FHAD1: variants seen among roughly 807,000 people sequenced by gnomAD.
FHAD1 encodes forkhead-associated domain-containing protein 1.
FHAD1 carries 146 observed loss-of-function variants against 191.3 expected under a neutral mutation model. The ratio of observed to expected loss-of-function variants is 0.76; its 90% CI spans 0.67 to 0.88. The LOEUF (loss-of-function observed/expected upper bound fraction) is 0.88. Among genes scored for constraint, FHAD1 ranks in the 40% least tolerant of loss-of-function variants. The pLI, the probability that FHAD1 is intolerant of heterozygous loss-of-function variation, is 0.00. For synonymous variants in FHAD1, 616 were observed against 672.3 expected (o/e 0.92, Z 1.29); for missense variants, 1,635 against 1,785.8 (o/e 0.92, Z 1.52).
rs1269570005 is a variant in FHAD1 at position 15,362,679 on chromosome 1, T to C, written c.3000T>C (p.Ala1000=). The C allele has an allele frequency of 6.4e-7, 1 of 1,551,784 alleles. No homozygotes were observed. Among genetic ancestry groups the C allele is most frequent in the Non-Finnish European group, 8.7e-7 (1 of 1,146,996 alleles). The change falls in exon 23 of 34, where the codon GCT becomes GCC. Residue 1000 remains alanine (A), a synonymous_variant. Transcript: ENST00000688493. ...AAAGGCCGCAAGACCCTCTGGTGGC[T>C]CCCATGACAGAGAGCAGTGCCAAAG... is the stretch of plus-strand genomic sequence containing the variant. The part of the protein sequence containing the change: ...KEERPQDPLV[A]PMTESSAKDM...
chr1:15,307,264 AC>A (rs1431195659), intron 6 of FHAD1, among the ~76,000 whole-genome samples: 20 of 152,080 alleles, frequency 1.3e-4, no homozygotes, highest in Non-Finnish European at 2.5e-4. Flanking sequence ...CAATACCTGT[AC>A]CCCCATTGTA....
At chr1:15,242,967 A>G (rs1323156763), upstream of FHAD1, among the ~76,000 whole-genome samples, 1 of 152,206 alleles carries the variant, frequency 6.6e-6, no homozygotes, top group Admixed American at 6.5e-5. Flanking sequence ...TGAGGCACAA[A>G]CAAAATACAA....
chr1:15,385,061 T>G (rs1701796850), intron 31 of FHAD1, among the ~76,000 whole-genome samples: 1 of 151,864 alleles, frequency 6.6e-6, no homozygotes, highest in Non-Finnish European at 1.5e-5. Flanking sequence ...AGGCTCAGTT[T>G]GCATTTAAGG....
Position 15,349,589 on chromosome 1 carries a change from G to A in FHAD1, c.2454+440G>A, listed in dbSNP as rs548109251. On this transcript the variant is annotated intron_variant, in intron 19 of 33. Coordinates refer to ENST00000688493, the MANE Select transcript of FHAD1 (RefSeq NM_001391957.1). ...TGGCATGGCCAAGGGAGAAAGCACTGCTCCTGGCCCGGCCTCCTGGTGTCA... is the reference window on the plus strand; with the variant it reads ...TGGCATGGCCAAGGGAGAAAGCACTACTCCTGGCCCGGCCTCCTGGTGTCA... 3.9e-5 allele frequency among the ~76,000 whole-genome samples: 6 copies of A among 152,346 alleles called. No homozygotes were observed. In the South Asian group the frequency reaches 1.0e-3, roughly 26 times the overall value.
At chr1:15,293,006 A>G (rs1460933718) in intron 4 of FHAD1, among the ~76,000 whole-genome samples, 2 of 152,216 alleles carry the variant, frequency 1.3e-5, no homozygotes, top group African/African-American at 2.4e-5. Flanking sequence ...GTATTTTGTT[A>G]TGGCAACCTG....
intron 6 of FHAD1, among the ~76,000 whole-genome samples, chr1:15,306,825 G>A (rs750238980): frequency 2.0e-5 from 3 of 152,210 alleles, no homozygotes; most frequent in Non-Finnish European, 2.9e-5. Flanking sequence ...CTGTGGGGTC[G>A]GGGCCCTCAT....
At chr1:15,376,800 C>G (rs1699775475) in intron 28 of FHAD1, among the ~76,000 whole-genome samples, 1 of 152,178 alleles carries the variant, frequency 6.6e-6, no homozygotes, top group African/African-American at 2.4e-5. Context: ...CTTTGTGAGG[C>G]CAAGAGAAGG....
chr1:15,365,799 T>C, intron 23 of FHAD1, 28 bp from the exon 24 acceptor site: 1 of 1,436,266 alleles, frequency 7.0e-7, no homozygotes. Flanking sequence ...TGAGTTGAAC[T>C]GACTTCACCT....
chr1:15,319,420 A>T (rs1191866347), intron 10 of FHAD1, among the ~76,000 whole-genome samples: 1 of 152,180 alleles, frequency 6.6e-6, no homozygotes, highest in Admixed American at 6.6e-5. Context: ...AACAGTTAAG[A>T]CTATACAAAG....
In FHAD1 at chr1:15,316,468, G is replaced by C. The variant is rs201462752; in HGVS notation, c.1260+1G>C. 2 of 1,551,538 alleles carry C rather than the reference G, an allele frequency of 1.3e-6. No homozygotes were observed. Among genetic ancestry groups the C allele is most frequent in the Admixed American group, 3.9e-5 (2 of 50,992 alleles). On this transcript the variant is annotated splice_donor_variant, in intron 9 of 33. Transcript: ENST00000688493. LOFTEE classifies it high-confidence loss of function. The surrounding 1 kb of genome is among the most constrained non-coding windows in gnomAD (Gnocchi z 4.3). ...GAAAGAGTTAAAACTCTGCAAAACC[G>C]TGAGTTGAGCTTCCTCCTTTGTAGG...
At chr1:15,336,747 C>T (rs1401890270) in intron 14 of FHAD1, among the ~76,000 whole-genome samples, 2 of 152,214 alleles carry the variant, frequency 1.3e-5, no homozygotes, top group Admixed American at 1.3e-4. Context: ...CTTGGCCTTT[C>T]TGCCAAGTAA....
At chr1:15,365,743 C>A in intron 23 of FHAD1, 84 bp from the exon 24 acceptor site, 2 of 769,330 alleles carry the variant, frequency 2.6e-6, no homozygotes, top group Non-Finnish European at 4.4e-6. Flanking sequence ...AATCTCTTTG[C>A]ATTTGTACTT....
intron 6 of FHAD1, among the ~76,000 whole-genome samples, chr1:15,301,979 C>T (rs1245697306): frequency 1.3e-5 from 2 of 152,128 alleles, no homozygotes; most frequent in African/African-American, 4.8e-5. Context: ...GGCGCCACTG[C>T]ACTCCAGCCT....
intron 11 of FHAD1, 164 bp downstream of exon 11, chr1:15,324,723 C>T (rs1299653130): frequency 1.1e-5 from 7 of 625,052 alleles, no homozygotes; most frequent in South Asian, 5.6e-5. Flanking sequence ...TCCCCACCCC[C>T]ATGGACATCG....
chr1:15,374,371 G>A, intron 26 of FHAD1, 131 bp from the exon 27 acceptor site: 1 of 1,050,662 alleles, frequency 9.5e-7, no homozygotes, highest in Non-Finnish European at 1.4e-6. Context: ...CTCTGCTGAA[G>A]CCCTAATGCT....
chr1:15,275,479 C>T (rs565769686), intron 3 of FHAD1, among the ~76,000 whole-genome samples: 1 of 152,236 alleles, frequency 6.6e-6, no homozygotes, highest in African/African-American at 2.4e-5. Context: ...ACCCCCTGTC[C>T]GCCTCCACCC....
chr1:15,370,901 C>G (rs1284749075), intron 26 of FHAD1, among the ~76,000 whole-genome samples: 1 of 152,190 alleles, frequency 6.6e-6, no homozygotes, highest in African/African-American at 2.4e-5. Flanking sequence ...AGCTTGCTTT[C>G]CGGCTCTCTC....
Position 15,318,011 on chromosome 1 carries a change from A to G in FHAD1, c.1365+83A>G, listed in dbSNP as rs1675041146. On this transcript the variant is annotated intron_variant, in intron 10 of 33. Coordinates refer to ENST00000688493, the MANE Select transcript of FHAD1 (RefSeq NM_001391957.1). This position sits in a 1 kb window ranked among gnomAD's most constrained non-coding sequence, Gnocchi z 4.1. The stretch of plus-strand genomic sequence containing the variant: ...TCCCTGTTAGTCCTCTAAGTGGACT[A>G]TGCTGGTATTAACCCTTCTTACAGC... 1.2e-6 allele frequency: 1 copy of G among 867,908 alleles called. No homozygotes were observed. Among genetic ancestry groups the G allele is most frequent in the Non-Finnish European group, 1.8e-6 (1 of 542,808 alleles). The allele number at this position is 867,908 out of a possible 1,614,324, so 53.8% of individuals were successfully genotyped here. A position where few individuals can be genotyped will look rare whatever the true frequency, so the allele number is the denominator to read the frequency against.
Position 15,391,285 on chromosome 1 carries a change from T to C in FHAD1, c.4323+22T>C, listed in dbSNP as rs774829025. On this transcript the variant is annotated intron_variant, in intron 33 of 33. Transcript: ENST00000688493. ...CCAGGTGAGCAGAAAGAGCATCCTT[T>C]AGAATTCTCTTTTTTTGTTGTTTTG... is the stretch of plus-strand genomic sequence containing the variant. The C allele has an allele frequency of 6.1e-5, 77 of 1,272,572 alleles. 1 individual carries two copies. The South Asian group carries it at 8.7e-4, about 14-fold the overall frequency. 78.8% of individuals were successfully genotyped at this position (1,272,572 alleles called of 1,614,324 possible).
Sources: gnomAD v4.1 joint callset for allele counts (sites outside exome capture counted in the v4.1 genomes callset) on GRCh38, gnomAD v4.1.1 for gene constraint, Gnocchi (gnomAD v3.1) non-coding constraint, MANE v1.5 for transcripts, NCBI Gene and HGNC (gene_info 2026-07-23, HGNC 2026-07-21) for gene names.